Variants in AMZ1 observed in about 807,000 individuals in gnomAD.
The protein encoded by AMZ1 is archaelysin family metallopeptidase 1.
A neutral mutation model predicts 29.9 loss-of-function variants in AMZ1; 39 were observed. The observed-to-expected ratio is 1.30, with a 90% CI of 1.01 to 1.70. The LOEUF (loss-of-function observed/expected upper bound fraction) is 1.70. AMZ1 is among the 40% of genes most tolerant of loss of function. The probability of loss-of-function intolerance (pLI) is 0.00; values close to 1 mark genes in which losing one functional copy is unlikely to be tolerated. For synonymous variants in AMZ1, 458 were observed against 304.0 expected, an observed-to-expected ratio of 1.51 and a Z score of -5.27; for missense variants, 1,041 against 680.6, an observed-to-expected ratio of 1.53 and a Z score of -5.89.
chr7:2,698,671 C>G (rs185841361), intron 1 of AMZ1, among the ~76,000 whole-genome samples: 8 of 152,166 alleles, frequency 5.3e-5, no homozygotes, highest in Non-Finnish European at 1.0e-4. Context: ...ACCCCCGTCT[C>G]TACAAAAAAT....
intron 1 of AMZ1, among the ~76,000 whole-genome samples, chr7:2,688,732 G>C (rs1037450553): frequency 1.3e-5 from 2 of 152,206 alleles, no homozygotes. Context: ...AGGGCGCCGA[G>C]AATCTCGTCG....
At chr7:2,702,583 C>G (rs142341871) in intron 2 of AMZ1, 139 bp from the exon 3 acceptor site, 5 of 976,562 alleles carry the variant, frequency 5.1e-6, no homozygotes, top group Non-Finnish European at 7.3e-6. Flanking sequence ...TTTTCTAAGC[C>G]TGACGCTCTG....
intron 4 of AMZ1, 144 bp downstream of exon 4, chr7:2,708,860 C>A: frequency 7.3e-7 from 1 of 1,370,270 alleles, no homozygotes; most frequent in Non-Finnish European, 9.9e-7. Context: ...TAGATGGCCC[C>A]TTCCAGCTCC....
At chr7:2,740,209 G>T (rs1790429689) in intron 4 of AMZ1, among the ~76,000 whole-genome samples, 1 of 152,024 alleles carries the variant, frequency 6.6e-6, no homozygotes. Context: ...TTTTCTAGGT[G>T]GTTCTATTTG....
At chr7:2,736,574 C>T (rs962826090) in intron 4 of AMZ1, among the ~76,000 whole-genome samples, 7 of 152,152 alleles carry the variant, frequency 4.6e-5, no homozygotes, top group Admixed American at 1.3e-4. Context: ...TGATATGGGG[C>T]CTGTGCACCT....
Position 2,718,774 on chromosome 7 carries a change from G to C in AMZ1, c.*5896G>C, listed in dbSNP as rs147879804. Among the ~76,000 whole-genome samples, 1 of 152,186 alleles carries C rather than the reference G, an allele frequency of 6.6e-6. No individual in the cohort carries two copies. Among genetic ancestry groups the C allele is most frequent in the African/African-American group, 2.4e-5 (1 of 41,452 alleles). On this transcript the variant is annotated 3_prime_UTR_variant, in exon 7 of 7. Transcript: ENST00000683327. The stretch of plus-strand genomic sequence containing the variant: ...AGGGAGAAGCGGGCAGGCCAGGGCC[G>C]AGCTGCGTCCGGCTCTCAGGGACTT...
Position 2,718,286 on chromosome 7 carries a change from C to T in AMZ1, c.*5408C>T, listed in dbSNP as rs1789245927. On this transcript the variant is annotated 3_prime_UTR_variant, in exon 7 of 7. Coordinates refer to ENST00000683327, the MANE Select transcript of AMZ1 (RefSeq NM_001384743.1). ...TGGGCCCAGTGTCCATTTTCTCTCT[C>T]AGGCAGGGTGCTCTGCCCGCCACAG... is the stretch of plus-strand genomic sequence containing the variant. Among the ~76,000 whole-genome samples the T allele has an allele frequency of 6.6e-6, 1 of 152,214 alleles. No individual in the cohort carries two copies. Among genetic ancestry groups the T allele is most frequent in the Admixed American group, 6.5e-5 (1 of 15,292 alleles).
rs755457103 is a variant in AMZ1, at chr7:2,712,519, G to C, written c.1138G>C (p.Gly380Arg). The C allele has an allele frequency of 6.2e-7, 1 of 1,608,230 alleles. No homozygotes were observed. Among genetic ancestry groups the C allele is most frequent in the African/African-American group, 1.3e-5 (1 of 74,844 alleles). ...TGCCGGGAGTCACACCTTCGCCTCG[G>C]GGCCAGAGGAAGGGCTGAGCTACCT... Reference protein sequence around the residue: ...PDAGSHTFASGPEEGLSYLAA... With the variant: ...PDAGSHTFASRPEEGLSYLAA... The change falls in exon 7 of 7, where the codon GGG becomes CGG. Residue 380 changes from glycine (G) to arginine (R), a missense_variant. By Grantham distance (125) the Gly-to-Arg change is moderately radical. Coordinates refer to ENST00000683327, the MANE Select transcript of AMZ1 (RefSeq NM_001384743.1).
upstream of AMZ1, among the ~76,000 whole-genome samples, chr7:2,761,242 G>A (rs1002754000): frequency 4.6e-5 from 7 of 152,116 alleles, no homozygotes; most frequent in African/African-American, 1.7e-4. Context: ...TCCCGGCCGT[G>A]GATGGCACAG....
intron 3 of AMZ1, among the ~76,000 whole-genome samples, chr7:2,707,222 GAGAT>G (rs1166543152): frequency 9.9e-5 from 15 of 151,494 alleles, no homozygotes; most frequent in African/African-American, 2.2e-4. Context: ...ACAGTGAACT[GAGAT>G]AGATAGCGCC....
At chr7:2,688,379 C>T (rs1017587242) in intron 1 of AMZ1, 83 bp downstream of exon 1, 24 of 151,776 alleles carry the variant, frequency 1.6e-4, no homozygotes, top group African/African-American at 5.3e-4. Flanking sequence ...GGGGCAGCTC[C>T]GGGTCCAGCC....
intron 4 of AMZ1, among the ~76,000 whole-genome samples, chr7:2,755,935 C>A (rs1344539981): frequency 2.0e-5 from 3 of 152,188 alleles, no homozygotes; most frequent in Non-Finnish European, 4.4e-5. Flanking sequence ...ATACAAATCC[C>A]AGCAGGCATT....
At chr7:2,752,139 A>G (rs1439117071) in intron 4 of AMZ1, among the ~76,000 whole-genome samples, 1 of 152,248 alleles carries the variant, frequency 6.6e-6, no homozygotes, top group Non-Finnish European at 1.5e-5. Flanking sequence ...AAAAATGTCA[A>G]TAGAAGACAG....
chr7:2,731,649 C>T lies in AMZ1; in HGVS notation n.550+21833C>T, dbSNP rs745542867. On this transcript the variant is annotated intron_variant and non_coding_transcript_variant, in intron 4 of 4. Transcript: ENST00000489665. The surrounding 1 kb of genome is among the most constrained non-coding windows in gnomAD (Gnocchi z 6.0). ...GCTGGGACCGCTGGCCGCCCACATC[C>T]ACCATCTTAAAGGGGATCTTCTTAA... The T allele has an allele frequency of 3.7e-6, 6 of 1,613,666 alleles. No homozygotes were observed. The East Asian group carries it at 8.9e-5, about 24-fold the overall frequency.
At chr7:2,760,189 G>A (rs1336185668), upstream of AMZ1, among the ~76,000 whole-genome samples, 1 of 152,222 alleles carries the variant, frequency 6.6e-6, no homozygotes, top group Non-Finnish European at 1.5e-5. Context: ...TGGGGAAGGA[G>A]TGGAGATTGA....
intron 4 of AMZ1, among the ~76,000 whole-genome samples, chr7:2,744,517 G>A (rs1790671976): frequency 6.6e-6 from 1 of 152,170 alleles, no homozygotes; most frequent in Non-Finnish European, 1.5e-5. Context: ...AAACCCATCT[G>A]TACGTCACCA....
Position 2,731,218 on chromosome 7 carries a change from A to T in AMZ1, n.550+21402A>T, listed in dbSNP as rs756865434. 2 of 1,612,750 alleles carry T rather than the reference A, an allele frequency of 1.2e-6. No homozygotes were observed. Reference sequence around the variant, plus strand: ...GATGTCCTTCAGGTTCTCCTGCAGGATGGTGTCTTTCACAGCATGGAACAC... The same window carrying T: ...GATGTCCTTCAGGTTCTCCTGCAGGTTGGTGTCTTTCACAGCATGGAACAC... On this transcript the variant is annotated intron_variant and non_coding_transcript_variant, in intron 4 of 4. Coordinates refer to the AMZ1 transcript ENST00000489665. The surrounding 1 kb of genome is among the most constrained non-coding windows in gnomAD (Gnocchi z 6.0).
chr7:2,739,138 C>G (rs1790370062), intron 4 of AMZ1, among the ~76,000 whole-genome samples: 1 of 152,200 alleles, frequency 6.6e-6, no homozygotes, highest in Admixed American at 6.5e-5. Flanking sequence ...AGCACCAGCC[C>G]CCTTGCCTGG....
At chr7:2,728,994 C>T (rs1186755339) in intron 4 of AMZ1, 4 of 152,450 alleles carry the variant, frequency 2.6e-5, no homozygotes, top group African/African-American at 9.6e-5. Context: ...TCCTTCCTCT[C>T]ATGCTTCTGG....
Sources: allele counts gnomAD v4.1 joint callset (sites outside exome capture counted in the v4.1 genomes callset), GRCh38; gene constraint gnomAD v4.1.1; non-coding constraint Gnocchi (gnomAD v3.1); transcripts MANE v1.5; gene names NCBI Gene and HGNC (gene_info 2026-07-23, HGNC 2026-07-21).